Variants in AGAP1 observed in about 807,000 individuals in gnomAD.
The protein encoded by AGAP1 is ArfGAP with GTPase domain, ankyrin repeat and PH domain 1, also known as arf-GAP with GTPase, ANK repeat and PH domain-containing protein 1.
A neutral mutation model predicts 105.3 loss-of-function variants in AGAP1; 29 were observed. That is an observed-to-expected ratio of 0.28 (90% CI 0.21 to 0.38). The LOEUF (loss-of-function observed/expected upper bound fraction) is 0.38. Among genes scored for constraint, AGAP1 ranks in the 10% least tolerant of loss-of-function variants. The pLI is 1.00. For synonymous variants in AGAP1, 509 were observed against 485.9 expected (o/e 1.05, Z -0.63); for missense variants, 998 against 1,165.1 (o/e 0.86, Z 2.09).
rs2050117790 is a variant in AGAP1, at chr2:235,883,225, A to G, written c.1051-120A>G. On this transcript the variant is annotated intron_variant, in intron 9 of 17. Transcript: ENST00000304032. The surrounding 1 kb of genome is among the most constrained non-coding windows in gnomAD (Gnocchi z 4.5). The stretch of plus-strand genomic sequence containing the variant: ...AATGGCATATCTTTTAGCATTCGCC[A>G]GTATCACAGAGTGAAGTTCTGCACA... 4.0e-6 allele frequency: 3 copies of G among 745,736 alleles called. No homozygotes were observed. Among genetic ancestry groups the G allele is most frequent in the Non-Finnish European group, 6.9e-6 (3 of 437,950 alleles). The allele number at this position is 745,736 out of a possible 1,614,324, so 46.2% of individuals were successfully genotyped here.
intron 16 of AGAP1, among the ~76,000 whole-genome samples, chr2:236,102,947 C>T (rs1231028404): frequency 6.6e-6 from 1 of 152,096 alleles, no homozygotes; most frequent in Non-Finnish European, 1.5e-5. Context: ...TGTTCTCCCA[C>T]CGCAAGCCCC....
In AGAP1 at chr2:236,061,770, T is replaced by G. The variant is rs572705321; in HGVS notation, c.2114+12489T>G. 6.6e-6 allele frequency among the ~76,000 whole-genome samples: 1 copy of G among 151,700 alleles called. No individual in the cohort carries two copies. The highest frequency in any genetic ancestry group is 2.4e-5 in the African/African-American group (1 of 41,222). ...CTTCTTTTGGAGACAACGAAAATGA[T>G]CTGGATTTACATAGTAGTGATGGTT... On this transcript the variant is annotated intron_variant, in intron 16 of 17. Transcript: ENST00000304032. The surrounding 1 kb of genome is among the most constrained non-coding windows in gnomAD (Gnocchi z 4.1).
intron 3 of AGAP1, among the ~76,000 whole-genome samples, chr2:235,730,163 G>T (rs991093742): frequency 1.3e-5 from 2 of 152,072 alleles, no homozygotes; most frequent in Non-Finnish European, 2.9e-5. Context: ...TATTGAAAAA[G>T]AGAGTTCATG....
intron 6 of AGAP1, among the ~76,000 whole-genome samples, chr2:235,794,903 A>G (rs1012353361): frequency 3.3e-5 from 5 of 152,252 alleles, no homozygotes; most frequent in African/African-American, 1.2e-4. Flanking sequence ...TTTATATGAA[A>G]CAACACATTT....
Position 235,614,961 on chromosome 2 carries a change from G to A in AGAP1, c.164-94218G>A, listed in dbSNP as rs572791871. Among the ~76,000 whole-genome samples the A allele has an allele frequency of 3.9e-5, 6 of 152,338 alleles. No homozygotes were observed. Among genetic ancestry groups the A allele is most frequent in the African/African-American group, 1.2e-4 (5 of 41,584 alleles). ...CGACTTGAAAATAGTCAAAGTCCAA[G>A]TAAACTTCTGCCTGTGTGTGGTGCG... On this transcript the variant is annotated intron_variant, in intron 1 of 17. Transcript: ENST00000304032. The surrounding 1 kb of genome is among the most constrained non-coding windows in gnomAD (Gnocchi z 4.7).
chr2:235,892,832 A>G (rs2050609466), intron 10 of AGAP1, among the ~76,000 whole-genome samples: 3 of 152,226 alleles, frequency 2.0e-5, no homozygotes, highest in Non-Finnish European at 4.4e-5. Context: ...TCCCCAGAAC[A>G]TTGAAACAGT....
rs1193835236 is a variant in AGAP1 at position 235,900,234 on chromosome 2, C to T, written c.1156-8504C>T. 6.6e-6 allele frequency among the ~76,000 whole-genome samples: 1 copy of T among 152,198 alleles called. No individual in the cohort carries two copies. Among genetic ancestry groups the T allele is most frequent in the East Asian group, 1.9e-4 (1 of 5,202 alleles). On this transcript the variant is annotated intron_variant, in intron 10 of 17. Coordinates refer to ENST00000304032, the MANE Select transcript of AGAP1 (RefSeq NM_001037131.3). The surrounding 1 kb of genome is among the most constrained non-coding windows in gnomAD (Gnocchi z 5.5). ...AATATTCCACACATACTCTTCCTTACCTCCATGATGGAGTAGTAGACTGAT... is the reference window on the plus strand; with the variant it reads ...AATATTCCACACATACTCTTCCTTATCTCCATGATGGAGTAGTAGACTGAT...
Position 235,958,738 on chromosome 2 carries a change from G to C in AGAP1, c.1484-9724G>C, listed in dbSNP as rs536565386. On this transcript the variant is annotated intron_variant, in intron 12 of 17. Coordinates refer to ENST00000304032, the MANE Select transcript of AGAP1 (RefSeq NM_001037131.3). The surrounding 1 kb of genome is among the most constrained non-coding windows in gnomAD (Gnocchi z 4.1). ...TGAGTGTCCTTGGGCCTGTCTGCCG[G>C]AATGATAGCTAAGAATACATTCCTG... 6.6e-6 allele frequency among the ~76,000 whole-genome samples: 1 copy of C among 152,292 alleles called. No individual in the cohort carries two copies. Among genetic ancestry groups the C allele is most frequent in the African/African-American group, 2.4e-5 (1 of 41,568 alleles).
At chr2:235,811,356 T>C (rs1958129753) in intron 9 of AGAP1, among the ~76,000 whole-genome samples, 2 of 152,198 alleles carry the variant, frequency 1.3e-5, no homozygotes, top group Non-Finnish European at 2.9e-5. Context: ...TTTTTGAAAA[T>C]CATGCTCAGT....
intron 12 of AGAP1, among the ~76,000 whole-genome samples, chr2:235,933,056 G>A (rs1273103367): frequency 2.0e-5 from 3 of 152,312 alleles, no homozygotes; most frequent in South Asian, 2.1e-4. Context: ...ACAAGCAAGC[G>A]GATGCCCCAG....
At chr2:235,804,750 A>G (rs973604235) in intron 8 of AGAP1, among the ~76,000 whole-genome samples, 1 of 152,184 alleles carries the variant, frequency 6.6e-6, no homozygotes, top group East Asian at 1.9e-4. Context: ...AGCAGTTACT[A>G]TGGTGGCTTG....
chr2:235,549,080 G>C lies in AGAP1; in HGVS notation c.163+54231G>C, dbSNP rs1264121497. ...AACTGGGACCTGCTCTCCTTGTAGA[G>C]ACACAACCCCAGGGTACTTGGAGCT... is the stretch of plus-strand genomic sequence containing the variant. On this transcript the variant is annotated intron_variant, in intron 1 of 17. Coordinates refer to ENST00000304032, the MANE Select transcript of AGAP1 (RefSeq NM_001037131.3). This position sits in a 1 kb window ranked among gnomAD's most constrained non-coding sequence, Gnocchi z 4.2. Among the ~76,000 whole-genome samples, 1 of 152,236 alleles carries C rather than the reference G, an allele frequency of 6.6e-6. No homozygotes were observed. The highest frequency in any genetic ancestry group is 1.5e-5 in the Non-Finnish European group (1 of 68,036).
At chr2:235,878,626 A>G (rs1395729216) in intron 9 of AGAP1, among the ~76,000 whole-genome samples, 1 of 152,190 alleles carries the variant, frequency 6.6e-6, no homozygotes, top group Non-Finnish European at 1.5e-5. Context: ...TTTAGCAAAC[A>G]GAAACCGCTT....
intron 1 of AGAP1, among the ~76,000 whole-genome samples, chr2:235,548,868 C>A (rs764397298): frequency 6.6e-6 from 1 of 152,132 alleles, no homozygotes. Context: ...GCCACTGCCC[C>A]GTTTTTGAAC....
rs1055427519 is a variant in AGAP1 at position 236,082,885 on chromosome 2, A to G, written c.2114+33604A>G. 6.6e-5 allele frequency among the ~76,000 whole-genome samples: 10 copies of G among 151,814 alleles called. No homozygotes were observed. Among genetic ancestry groups the G allele is most frequent in the Non-Finnish European group, 5.9e-5 (4 of 67,954 alleles). On this transcript the variant is annotated intron_variant, in intron 16 of 17. Coordinates refer to ENST00000304032, the MANE Select transcript of AGAP1 (RefSeq NM_001037131.3). The surrounding 1 kb of genome is among the most constrained non-coding windows in gnomAD (Gnocchi z 4.2). ...AGCAAAACTCCATCAGCCGGGCACA[A>G]TGGCTCACGCCTGTAATCCCAGCAC...
intron 1 of AGAP1, among the ~76,000 whole-genome samples, chr2:235,704,846 G>GGCA (rs775390330): frequency 2.6e-5 from 4 of 152,166 alleles, no homozygotes; most frequent in Non-Finnish European, 5.9e-5. Flanking sequence ...TGTGTCCAGA[G>GGCA]GCAGCAGCAG....
At chr2:235,783,415 G>A (rs551126583) in intron 6 of AGAP1, 1 of 470,676 alleles carries the variant, frequency 2.1e-6, no homozygotes, top group Non-Finnish European at 4.4e-6. Context: ...ATCAGGTGTT[G>A]CTTTCTTTGT....
At chr2:235,536,468 T>TAC (rs68065934) in intron 1 of AGAP1, among the ~76,000 whole-genome samples, 1,160 of 48,984 alleles carry the variant, frequency 0.024, 55 homozygotes, top group African/African-American at 0.049. Context: ...TGTGGCATCC[T>TAC]ACACACACAC....
At chr2:235,949,746 A>G (rs1381523030) in intron 12 of AGAP1, among the ~76,000 whole-genome samples, 2 of 152,182 alleles carry the variant, frequency 1.3e-5, no homozygotes, top group African/African-American at 2.4e-5. Flanking sequence ...CCAGCTGCAT[A>G]AACAGCCTTG....
Sources: gnomAD v4.1 joint callset for allele counts (sites outside exome capture counted in the v4.1 genomes callset) on GRCh38, gnomAD v4.1.1 for gene constraint, Gnocchi (gnomAD v3.1) non-coding constraint, MANE v1.5 for transcripts, NCBI Gene and HGNC (gene_info 2026-07-23, HGNC 2026-07-21) for gene names.